UVRAG: variants seen among roughly 807,000 people sequenced by gnomAD.
UVRAG encodes the protein UV radiation resistance associated, also known as UV radiation resistance-associated gene protein.
A neutral mutation model predicts 78.0 loss-of-function variants in UVRAG; 19 were observed. The observed-to-expected ratio is 0.24, with a 90% CI of 0.17 to 0.36. The LOEUF (loss-of-function observed/expected upper bound fraction) is 0.36. Ranked by LOEUF, UVRAG falls within the 10% of genes least tolerant of loss-of-function variation. The pLI is 1.00. For synonymous variants in UVRAG, 323 were observed against 324.6 expected, an observed-to-expected ratio of 1.00 and a Z score of 0.05; for missense variants, 740 against 853.8, an observed-to-expected ratio of 0.87 and a Z score of 1.66.
chr11:75,949,205 T>C (rs558886122), intron 6 of UVRAG, among the ~76,000 whole-genome samples: 18 of 152,250 alleles, frequency 1.2e-4, no homozygotes, highest in Middle Eastern at 3.4e-3. Context: ...TGGTCATTCC[T>C]CCCTTGATGG....
chr11:75,933,783 A>G (rs1438276722), intron 6 of UVRAG, among the ~76,000 whole-genome samples: 1 of 152,256 alleles, frequency 6.6e-6, no homozygotes, highest in Admixed American at 6.5e-5. Flanking sequence ...AGAAATGCAG[A>G]TCAAAACTAC....
intron 13 of UVRAG, 71 bp downstream of exon 13, chr11:76,065,859 T>G (rs944638624): frequency 6.9e-7 from 1 of 1,457,962 alleles, no homozygotes; most frequent in Non-Finnish European, 9.5e-7. Flanking sequence ...CCAGCCTTTT[T>G]TCTTTATAAA....
intron 3 of UVRAG, among the ~76,000 whole-genome samples, chr11:75,872,529 A>G (rs1396289356): frequency 6.6e-6 from 1 of 151,816 alleles, no homozygotes; most frequent in Non-Finnish European, 1.5e-5. Context: ...GCTGAGATAC[A>G]GGCGCGCCCC....
At chr11:75,970,265 TGTA>T (rs1779792863) in intron 7 of UVRAG, among the ~76,000 whole-genome samples, 1 of 152,208 alleles carries the variant, frequency 6.6e-6, no homozygotes, top group Non-Finnish European at 1.5e-5. Context: ...AATGGTTTGA[TGTA>T]GTATTTATAT....
chr11:76,104,740 C>A (rs76876202), intron 13 of UVRAG, among the ~76,000 whole-genome samples: 3,062 of 152,298 alleles, frequency 0.02, 42 homozygotes, highest in Non-Finnish European at 0.034. Flanking sequence ...TAAGTAATTT[C>A]TTCTAATGAT....
In UVRAG at chr11:76,007,632, A is replaced by G. The variant is rs1459900163; in HGVS notation, c.999+11A>G. The G allele has an allele frequency of 5.0e-6, 8 of 1,602,544 alleles. No individual in the cohort carries two copies. The highest frequency in any genetic ancestry group is 6.0e-6 in the Non-Finnish European group (7 of 1,174,228). ...TACCCTATTGATTTGGTAAGTTTCA[A>G]ATTTTCTGAAAATATTTTTCGTTTT... On this transcript the variant is annotated intron_variant, in intron 10 of 14. Coordinates refer to ENST00000356136, the MANE Select transcript of UVRAG (RefSeq NM_003369.4).
intron 7 of UVRAG, among the ~76,000 whole-genome samples, chr11:75,965,996 T>C (rs1026832750): frequency 6.6e-6 from 1 of 152,174 alleles, no homozygotes; most frequent in African/African-American, 2.4e-5. Context: ...CTGTTAAATA[T>C]AGTGCTAAGA....
chr11:75,862,393 G>A (rs1389863940), intron 3 of UVRAG, among the ~76,000 whole-genome samples: 1 of 152,126 alleles, frequency 6.6e-6, no homozygotes, highest in African/African-American at 2.4e-5. Flanking sequence ...TTGCATAAAT[G>A]GCTCAATTTA....
intron 6 of UVRAG, among the ~76,000 whole-genome samples, chr11:75,951,007 T>TCC (rs1948684499): frequency 7.2e-6 from 1 of 139,662 alleles, no homozygotes; most frequent in African/African-American, 3.0e-5. Flanking sequence ...CACACACATA[T>TCC]CCCAAGTGTT....
At chr11:76,022,800 A>C (rs1950269104) in intron 12 of UVRAG, among the ~76,000 whole-genome samples, 1 of 151,888 alleles carries the variant, frequency 6.6e-6, no homozygotes, top group African/African-American at 2.4e-5. Context: ...CCACTTTGCT[A>C]TTTGTTTTCT....
chr11:75,950,830 G>T (rs1392951470), intron 6 of UVRAG, among the ~76,000 whole-genome samples: 1 of 151,972 alleles, frequency 6.6e-6, no homozygotes, highest in Non-Finnish European at 1.5e-5. Flanking sequence ...TGTGCTAATA[G>T]CTCATTCTTG....
At chr11:75,928,060 C>T (rs1285285261) in intron 6 of UVRAG, among the ~76,000 whole-genome samples, 1 of 151,974 alleles carries the variant, frequency 6.6e-6, no homozygotes, top group Non-Finnish European at 1.5e-5. Context: ...TCTCATTGTG[C>T]CACTACACTC....
intron 5 of UVRAG, among the ~76,000 whole-genome samples, chr11:75,895,490 C>A (rs1947322400): frequency 6.6e-6 from 1 of 152,128 alleles, no homozygotes; most frequent in South Asian, 2.1e-4. Flanking sequence ...ACCTAATACA[C>A]TGAAAAATTT....
chr11:76,131,427 C>T (rs1478187804), intron 14 of UVRAG, among the ~76,000 whole-genome samples: 2 of 152,186 alleles, frequency 1.3e-5, no homozygotes, highest in Non-Finnish European at 2.9e-5. Flanking sequence ...CATCACAAAG[C>T]CTGGTGAACT....
chr11:75,874,744 A>G (rs962570292), intron 3 of UVRAG, among the ~76,000 whole-genome samples: 6 of 152,204 alleles, frequency 3.9e-5, no homozygotes, highest in African/African-American at 1.2e-4. Context: ...TTTTATTACT[A>G]TTCTGTTCAA....
At chr11:75,821,365 G>A (rs114539628) in intron 1 of UVRAG, among the ~76,000 whole-genome samples, 1,702 of 151,928 alleles carry the variant, frequency 0.011, 30 homozygotes, top group African/African-American at 0.038. Context: ...GTTTTGAGAC[G>A]GGGTCTCACT....
intron 2 of UVRAG, 98 bp from the exon 3 acceptor site, chr11:75,861,648 T>G (rs1468463616): frequency 6.6e-6 from 5 of 762,036 alleles, no homozygotes; most frequent in Non-Finnish European, 8.6e-6. Context: ...TTTAAATGTT[T>G]TACTGCAACA....
chr11:75,953,004 A>C (rs1948731646), intron 6 of UVRAG, among the ~76,000 whole-genome samples: 1 of 152,052 alleles, frequency 6.6e-6, no homozygotes, highest in African/African-American at 2.4e-5. Context: ...AAACAATTTG[A>C]CTATTTCATT....
intron 5 of UVRAG, among the ~76,000 whole-genome samples, chr11:75,898,754 G>C (rs553249781): frequency 3.3e-5 from 5 of 152,194 alleles, no homozygotes; most frequent in Middle Eastern, 3.4e-3. Flanking sequence ...AGCGTCTTAG[G>C]GGGGCAAGTA....
Sources: gnomAD v4.1 joint callset for allele counts (sites outside exome capture counted in the v4.1 genomes callset) on GRCh38, gnomAD v4.1.1 for gene constraint, MANE v1.5 for transcripts, NCBI Gene and HGNC (gene_info 2026-07-23, HGNC 2026-07-21) for gene names.